The following KAT6B variants were observed in gnomAD, a reference collection of about 807,000 sequenced individuals.
KAT6B encodes the protein histone acetyltransferase KAT6B.
Under a neutral mutation model 187.5 loss-of-function variants are expected in KAT6B, and 10 were observed. The ratio of observed to expected loss-of-function variants is 0.05; its 90% confidence interval spans 0.03 to 0.09. KAT6B has a LOEUF of 0.09. KAT6B is among the 10% of genes least tolerant of loss of function. The pLI is 1.00. For synonymous variants in KAT6B, 861 were observed against 926.8 expected (o/e 0.93, Z 1.29); for missense variants, 1,952 against 2,558.9 (o/e 0.76, Z 5.12).
intron 13 of KAT6B, among the ~76,000 whole-genome samples, chr10:74,992,331 GTGGGCTGA>G (rs1843169406): frequency 6.6e-6 from 1 of 152,184 alleles, no homozygotes; most frequent in Non-Finnish European, 1.5e-5. Flanking sequence ...CAGTGGGGCT[GTGGGCTGA>G]TAAACCCATC....
intron 7 of KAT6B, among the ~76,000 whole-genome samples, chr10:74,973,006 A>T (rs1418475434): frequency 6.6e-6 from 1 of 152,236 alleles, no homozygotes; most frequent in Non-Finnish European, 1.5e-5. Flanking sequence ...GGATTTGTCC[A>T]TGTCTATAGC....
At chr10:74,883,591 G>T (rs1845025166) in intron 3 of KAT6B, among the ~76,000 whole-genome samples, 1 of 152,140 alleles carries the variant, frequency 6.6e-6, no homozygotes, top group Non-Finnish European at 1.5e-5. Context: ...TGACCCTCTT[G>T]AGCAGTCCTT....
In KAT6B at chr10:75,031,030, C is replaced by T; in HGVS notation, c.6206C>T (p.Ser2069Phe). 6.2e-7 allele frequency: 1 copy of T among 1,614,112 alleles called. No individual in the cohort carries two copies. The highest frequency in any genetic ancestry group is 8.5e-7 in the Non-Finnish European group (1 of 1,180,016). The change falls in exon 18 of 18, where the codon TCC (serine) becomes TTC (phenylalanine). Residue 2069 changes from serine (S) to phenylalanine (F), a missense_variant. Around this residue, in one of 9 missense-constraint regions of KAT6B, gnomAD observed 358 missense variants for 436.3 expected, o/e 0.82. Coordinates refer to ENST00000287239, the MANE Select transcript of KAT6B (RefSeq NM_012330.4). ...ATGTCCAAACAGTCTCTCAATGGCT[C>T]CTACATGAGAAGGTAGACAACGTGG... The part of the protein sequence containing the change: ...TGMSKQSLNG[S>F]YMRR
chr10:74,999,832 A>G (rs2133956803), intron 13 of KAT6B, among the ~76,000 whole-genome samples: 1 of 152,348 alleles, frequency 6.6e-6, no homozygotes, highest in Middle Eastern at 3.4e-3. Context: ...TCTTTGGACA[A>G]CTGTATATTA....
At position 74,926,174 on chromosome 10, in the gene KAT6B, C is replaced by T. The variant is rs574176323; in HGVS notation, c.622-33796C>T. ...TTAATAAAAACACCATTGTATCCAG[C>T]CGGGCACAGTGGCTCACGCCTATAA... On this transcript the variant is annotated intron_variant, in intron 3 of 17. Transcript: ENST00000287239. Among the ~76,000 whole-genome samples the T allele has an allele frequency of 2.0e-5, 3 of 152,354 alleles. No homozygotes were observed. In the South Asian group the frequency reaches 6.2e-4, roughly 32 times the overall value.
chr10:74,975,406 A>G lies in KAT6B; in HGVS notation c.1069A>G (p.Thr357Ala). 6.2e-7 allele frequency: 1 copy of G among 1,613,920 alleles called. No homozygotes were observed. Among genetic ancestry groups the G allele is most frequent in the Non-Finnish European group, 8.5e-7 (1 of 1,179,788 alleles). The change falls in exon 8 of 18, where the codon ACC (threonine) becomes GCC (alanine). Residue 357 changes from threonine (T) to alanine (A), a missense_variant. By Grantham distance (58) the Thr-to-Ala change is moderately conservative. This residue lies in a region of KAT6B where 417 missense variants were observed against 508.9 expected (regional missense o/e 0.82). Coordinates refer to ENST00000287239, the MANE Select transcript of KAT6B (RefSeq NM_012330.4). ...NKLKQRLLSV[T>A]SDEGSMNAFT... ...CTCTAAATTTCTGCCTAGGTCTGTA[A>G]CCAGTGATGAAGGATCCATGAATGC...
At chr10:74,990,861 A>G (rs1187858637) in intron 13 of KAT6B, among the ~76,000 whole-genome samples, 1 of 152,232 alleles carries the variant, frequency 6.6e-6, no homozygotes, top group African/African-American at 2.4e-5. Flanking sequence ...CTCAATATTT[A>G]ACGTCTTCCA....
intron 2 of KAT6B, among the ~76,000 whole-genome samples, chr10:74,839,045 T>C (rs1564897660): frequency 1.3e-5 from 2 of 151,284 alleles, no homozygotes; most frequent in Admixed American, 6.6e-5. Flanking sequence ...CCCAGCTACT[T>C]GGGAGGCTGA....
chr10:74,877,441 G>A (rs1431779177), intron 3 of KAT6B, among the ~76,000 whole-genome samples: 1 of 152,028 alleles, frequency 6.6e-6, no homozygotes, highest in Admixed American at 6.6e-5. Context: ...TTGTTTTGTA[G>A]GCAGCTTCTG....
At chr10:74,825,890 AG>A (rs1840162077), upstream of KAT6B, among the ~76,000 whole-genome samples, 1 of 40,942 alleles carries the variant, frequency 2.4e-5, no homozygotes, top group Non-Finnish European at 4.6e-5. This position sits in a 1 kb window ranked among gnomAD's most constrained non-coding sequence, Gnocchi z 5.0. Context: ...GATGCGAGCC[AG>A]GGGGCGGGCG....
rs755948594 is a variant in KAT6B, at chr10:74,959,985, A to G, written c.637A>G (p.Ile213Val). The G allele has an allele frequency of 1.2e-6, 2 of 1,611,014 alleles. No individual in the cohort carries two copies. Among genetic ancestry groups the G allele is most frequent in the African/African-American group, 2.7e-5 (2 of 74,864 alleles). ...HEKDQPRADP[I>V]PICSFCLGTK... is the part of the protein sequence containing the mutation. Reference sequence around the variant, plus strand: ...TTTGTCATAGCCCCGTGCTGATCCCATTCCAATATGTAGCTTCTGTTTGGG... The same window carrying G: ...TTTGTCATAGCCCCGTGCTGATCCCGTTCCAATATGTAGCTTCTGTTTGGG... Residue 213 changes from isoleucine (I) to valine (V), a missense_variant, in exon 4 of 18, where the codon ATT becomes GTT. Around this residue, in one of 9 missense-constraint regions of KAT6B, gnomAD observed 218 missense variants for 282.6 expected, o/e 0.77. Coordinates refer to ENST00000287239, the MANE Select transcript of KAT6B (RefSeq NM_012330.4).
At chr10:74,891,686 TA>T (rs568082865) in intron 3 of KAT6B, among the ~76,000 whole-genome samples, 28 of 152,382 alleles carry the variant, frequency 1.8e-4, no homozygotes, top group Admixed American at 1.6e-3. Flanking sequence ...TGGGAGCTTT[TA>T]TTTTTTTGTT....
At chr10:74,825,980 G>T (rs1840173876), upstream of KAT6B, among the ~76,000 whole-genome samples, 2 of 151,842 alleles carry the variant, frequency 1.3e-5, no homozygotes, top group South Asian at 2.1e-4. The surrounding 1 kb of genome is among the most constrained non-coding windows in gnomAD (Gnocchi z 5.0). Flanking sequence ...CGGCGCGCCC[G>T]TCCGCACACT....
rs1168328438 is a variant in KAT6B, at chr10:74,838,703, A to G, written c.-308A>G. On this transcript the variant is annotated 5_prime_UTR_variant, in exon 2 of 18. It adds an upstream start codon to the 5' untranslated region. Transcript: ENST00000287239. ...GGCAGATTTGCCTGAAGACCTGGAT[A>G]ATCTCCATTTTTGTCATGGACTGTT... The G allele has an allele frequency of 6.6e-6, 1 of 152,180 alleles. No individual in the cohort carries two copies. Among genetic ancestry groups the G allele is most frequent in the African/African-American group, 2.4e-5 (1 of 41,440 alleles). The allele number at this position is 152,180 out of a possible 1,614,324, so 9.4% of individuals were successfully genotyped here.
chr10:74,848,967 A>C (rs1319811038), intron 3 of KAT6B, among the ~76,000 whole-genome samples: 23 of 152,148 alleles, frequency 1.5e-4, no homozygotes, highest in Admixed American at 1.3e-3. Flanking sequence ...GAGTGATCTC[A>C]ATTACAATCT....
Position 74,975,860 on chromosome 10 carries a change from A to C in KAT6B, c.1523A>C (p.Gln508Pro), listed in dbSNP as rs746897079. The change falls in exon 8 of 18, where the codon CAA becomes CCA. Residue 508 changes from glutamine (Q) to proline (P), a missense_variant. By Grantham distance (76) the Gln-to-Pro change is moderately conservative. Coordinates refer to ENST00000287239, the MANE Select transcript of KAT6B (RefSeq NM_012330.4). ...ATCTCCGGTCAGAGCCCCAGTTCAC[A>C]AAAGTCCAGCACGGCCACTTCTTCT... ...TPISGQSPSS[Q>P]KSSTATSSPS... 6.2e-7 allele frequency: 1 copy of C among 1,614,096 alleles called. No individual in the cohort carries two copies. Among genetic ancestry groups the C allele is most frequent in the South Asian group, 1.1e-5 (1 of 91,070 alleles).
rs147013911 is a variant in KAT6B, at chr10:74,843,211, T to C, written c.354T>C (p.Leu118=). Residue 118 remains leucine, a synonymous_variant, in exon 3 of 18, where the codon CTT becomes CTC. Transcript: ENST00000287239. ...TTTTAAGGAGAGCAATTGAAGGACTTGAGGAGCCGAATGGCTCCTCCCTGA... is the reference window on the plus strand; with the variant it reads ...TTTTAAGGAGAGCAATTGAAGGACTCGAGGAGCCGAATGGCTCCTCCCTGA... ...NKLLRRAIEG[L]EEPNGSSLKN... 157 of 1,614,096 alleles carry C rather than the reference T, an allele frequency of 9.7e-5. No individual in the cohort carries two copies. Among genetic ancestry groups the C allele is most frequent in the Non-Finnish European group, 1.2e-4 (138 of 1,180,026 alleles).
intron 3 of KAT6B, among the ~76,000 whole-genome samples, chr10:74,954,137 G>A (rs1840508019): frequency 6.6e-6 from 1 of 152,194 alleles, no homozygotes; most frequent in African/African-American, 2.4e-5. Context: ...GTATACTGTT[G>A]TGTCCTCAGC....
At chr10:74,854,358 G>A (rs1842680705) in intron 3 of KAT6B, among the ~76,000 whole-genome samples, 1 of 152,146 alleles carries the variant, frequency 6.6e-6, no homozygotes, top group Admixed American at 6.5e-5. Flanking sequence ...TCTGCTTGGG[G>A]CAGAAGCACT....
Sources: gnomAD v4.1 joint callset for allele counts (sites outside exome capture counted in the v4.1 genomes callset) on GRCh38, gnomAD v4.1.1 for gene constraint, gnomAD v4.1.1 regional missense constraint, Gnocchi (gnomAD v3.1) non-coding constraint, MANE v1.5 for transcripts, NCBI Gene and HGNC (gene_info 2026-07-23, HGNC 2026-07-21) for gene names.